Variants in PSD observed in about 807,000 individuals in gnomAD.
PSD encodes the protein PH and SEC7 domain-containing protein 1.
PSD carries 32 observed loss-of-function variants against 91.6 expected under a neutral mutation model. That is an observed-to-expected ratio of 0.35 (90% CI 0.26 to 0.47). PSD has a LOEUF of 0.47. PSD is among the 20% of genes least tolerant of loss of function. The pLI is 1.00. For synonymous variants in PSD, 532 were observed against 569.3 expected (o/e 0.93, Z 0.93); for missense variants, 1,099 against 1,373.9 (o/e 0.80, Z 3.16).
chr10:102,414,674 T>G lies in PSD; in HGVS notation c.1124+189A>C, dbSNP rs865798267. Among the ~76,000 whole-genome samples, 25 of 152,184 alleles carry G rather than the reference T, an allele frequency of 1.6e-4. No individual in the cohort carries two copies. Among genetic ancestry groups the G allele is most frequent in the Admixed American group, 2.6e-4 (4 of 15,284 alleles). ...GTTCTGCTAGAACCCCTGGCCTCTT[T>G]GCTCCCCACATCCCCAGTGTTCTGC... On this transcript the variant is annotated intron_variant, in intron 4 of 16. Coordinates refer to ENST00000020673, the MANE Select transcript of PSD (RefSeq NM_002779.5). The surrounding 1 kb of genome is among the most constrained non-coding windows in gnomAD (Gnocchi z 5.6).
At position 102,405,559 on chromosome 10, in the gene PSD, G is replaced by A. The variant is rs751720730; in HGVS notation, c.2136-23C>T. ...TCTCTGCAGGTGTGATCACCTCAGA[G>A]GGGGCTGGCCATGGAGCCGCGGCCC... On this transcript the variant is annotated intron_variant, in intron 11 of 16. Transcript: ENST00000020673. The surrounding 1 kb of genome is among the most constrained non-coding windows in gnomAD (Gnocchi z 5.4). 15 of 1,590,960 alleles carry A rather than the reference G, an allele frequency of 9.4e-6. No homozygotes were observed. In the Admixed American group the frequency reaches 2.2e-4, roughly 23 times the overall value.
Position 102,411,834 on chromosome 10 carries a change from A to G in PSD, c.1830-15T>C, listed in dbSNP as rs2135456722. 1 of 1,594,402 alleles carries G rather than the reference A, an allele frequency of 6.3e-7. No individual in the cohort carries two copies. The highest frequency in any genetic ancestry group is 1.7e-4 in the Middle Eastern group (1 of 6,032). On this transcript the variant is annotated splice_polypyrimidine_tract_variant and intron_variant, in intron 7 of 16. Transcript: ENST00000020673. ...TCAGAAACACCCTGGAGAAGGGGCA[A>G]GAGAGGGTTGCCTAGCAACCAGGAG...
At chr10:102,408,182 G>T (rs1426603409) in intron 10 of PSD, among the ~76,000 whole-genome samples, 2 of 152,224 alleles carry the variant, frequency 1.3e-5, no homozygotes, top group Non-Finnish European at 2.9e-5. Context: ...TGCATGTTGG[G>T]CTAAGTGTGT....
chr10:102,412,314 G>T, intron 6 of PSD, 67 bp downstream of exon 6: 1 of 1,610,912 alleles, frequency 6.2e-7, no homozygotes, highest in Non-Finnish European at 8.5e-7. Flanking sequence ...GGGGACATTA[G>T]ATGGAGAGCT....
intron 1 of PSD, among the ~76,000 whole-genome samples, chr10:102,417,385 C>T (rs1007028631): frequency 1.3e-5 from 2 of 152,114 alleles, no homozygotes; most frequent in Non-Finnish European, 2.9e-5. Context: ...GAGGAAGCAA[C>T]TTCAAAGTTG....
Position 102,405,605 on chromosome 10 carries a change from G to T in PSD, c.2136-69C>A. 6.9e-7 allele frequency: 1 copy of T among 1,452,630 alleles called. No homozygotes were observed. Among genetic ancestry groups the T allele is most frequent in the Non-Finnish European group, 9.3e-7 (1 of 1,079,086 alleles). 90.0% of individuals were successfully genotyped at this position (1,452,630 alleles called of 1,614,324 possible). A position where few individuals can be genotyped will look rare whatever the true frequency, so the allele number is the denominator to read the frequency against. ...GGCCCCCGCTTCAGTTCTGGCCTCT[G>T]CTCGCCCTGGAAAAGCTCCCCCAGT... On this transcript the variant is annotated intron_variant, in intron 11 of 16. Transcript: ENST00000020673. The surrounding 1 kb of genome is among the most constrained non-coding windows in gnomAD (Gnocchi z 5.4).
At position 102,415,115 on chromosome 10, in the gene PSD, A is replaced by G; in HGVS notation, c.872T>C (p.Val291Ala). ...AGTCTCGCGGTAGCACCTCAGGGGC[A>G]CCGTGTCCAGGTCTGTCTCGGAGTA... ...AKYSETDLDTVPLRCYRETDI... is the reference protein window; with the variant it reads ...AKYSETDLDTAPLRCYRETDI... The change falls in exon 4 of 17, where the codon GTG becomes GCG. Residue 291 changes from valine to alanine, a missense_variant. Physicochemically the swap from Val to Ala is moderately conservative, Grantham distance 64 (BLOSUM62 0). This residue lies in a region of PSD where 631 missense variants were observed against 728.8 expected (regional missense o/e 0.87). Transcript: ENST00000020673. 2 of 1,613,782 alleles carry G rather than the reference A, an allele frequency of 1.2e-6. No homozygotes were observed. The highest frequency in any genetic ancestry group is 3.3e-5 in the Admixed American group (2 of 60,012).
In PSD at chr10:102,403,230, T is replaced by C; in HGVS notation, c.3045A>G (p.Pro1015=). 1.3e-6 allele frequency: 2 copies of C among 1,587,714 alleles called. No homozygotes were observed. The highest frequency in any genetic ancestry group is 1.7e-6 in the Non-Finnish European group (2 of 1,163,466). Residue 1015 remains proline (P), a synonymous_variant, in exon 17 of 17, where the codon CCA becomes CCG. Coordinates refer to ENST00000020673, the MANE Select transcript of PSD (RefSeq NM_002779.5). The surrounding 1 kb of genome is among the most constrained non-coding windows in gnomAD (Gnocchi z 6.7). ...RAQRHSSEPR[P]GAGSGRRKP is the part of the protein sequence containing the mutation. ...GCTTCCGCCGCCCACTGCCTGCCCC[T>C]GGCCGAGGCTCTGAGCTGTGACGCT...
At chr10:102,407,199 C>T (rs769417995) in intron 11 of PSD, 24 bp downstream of exon 11, 46 of 1,598,728 alleles carry the variant, frequency 2.9e-5, no homozygotes, top group Non-Finnish European at 3.9e-5. Context: ...CATCCTAGCC[C>T]CACCACGCAG....
Position 102,415,137 on chromosome 10 carries a change from A to G in PSD, c.850T>C (p.Ser284Pro), listed in dbSNP as rs1264306947. ...GVAVGRAAKY[S>P]ETDLDTVPLR... The stretch of plus-strand genomic sequence containing the variant: ...GGCACCGTGTCCAGGTCTGTCTCGG[A>G]GTACTTGGCTGCTCGCCCCACAGCC... The change falls in exon 4 of 17, where the codon TCC (serine) becomes CCC (proline). Residue 284 changes from serine to proline, a missense_variant. Around this residue, in one of 3 missense-constraint regions of PSD, gnomAD observed 631 missense variants for 728.8 expected, o/e 0.87. Transcript: ENST00000020673. 9 of 1,613,528 alleles carry G rather than the reference A, an allele frequency of 5.6e-6. No homozygotes were observed. The highest frequency in any genetic ancestry group is 1.7e-5 in the Admixed American group (1 of 60,004).
rs1369337572 is a variant in PSD, at chr10:102,403,556, T to A, written c.2845-126A>T. 1 of 962,174 alleles carries A rather than the reference T, an allele frequency of 1.0e-6. No homozygotes were observed. The highest frequency in any genetic ancestry group is 2.7e-5 in the Admixed American group (1 of 37,666). 59.6% of individuals were successfully genotyped at this position (962,174 alleles called of 1,614,324 possible). Reference sequence around the variant, plus strand: ...GTGCCCACCCAGGACTGTGAGATGGTCCCATGCGGGCTGGTGCCCCCTCTG... The same window carrying A: ...GTGCCCACCCAGGACTGTGAGATGGACCCATGCGGGCTGGTGCCCCCTCTG... On this transcript the variant is annotated intron_variant, in intron 16 of 16. Transcript: ENST00000020673. The surrounding 1 kb of genome is among the most constrained non-coding windows in gnomAD (Gnocchi z 6.7).
chr10:102,418,114 TA>T, intron 1 of PSD, among the ~76,000 whole-genome samples: 1 of 149,950 alleles, frequency 6.7e-6, no homozygotes, highest in South Asian at 2.1e-4. Context: ...TAAGGACAAA[TA>T]TGTCAGTACA....
chr10:102,409,100 C>G lies in PSD; in HGVS notation c.2091+1758G>C. On this transcript the variant is annotated intron_variant, in intron 10 of 16. Coordinates refer to ENST00000020673, the MANE Select transcript of PSD (RefSeq NM_002779.5). This position sits in a 1 kb window ranked among gnomAD's most constrained non-coding sequence, Gnocchi z 5.7. Reference sequence around the variant, plus strand: ...GCTGTTGACGCCGATCATGCTGGCCCGGCCGGCGCGCCGCGGCCCCCGGCC... The same window carrying G: ...GCTGTTGACGCCGATCATGCTGGCCGGGCCGGCGCGCCGCGGCCCCCGGCC... 1 of 983,252 alleles carries G rather than the reference C, an allele frequency of 1.0e-6. No homozygotes were observed. The highest frequency in any genetic ancestry group is 1.2e-6 in the Non-Finnish European group (1 of 829,290). 60.9% of individuals were successfully genotyped at this position (983,252 alleles called of 1,614,324 possible).
intron 5 of PSD, 84 bp downstream of exon 5, chr10:102,413,685 C>G: frequency 2.2e-6 from 3 of 1,393,234 alleles, no homozygotes; most frequent in Non-Finnish European, 2.0e-6. Flanking sequence ...TAAACCAATC[C>G]TCACACTCAG....
chr10:102,410,220 T>C lies in PSD; in HGVS notation c.2091+638A>G, dbSNP rs1413368796. 1.3e-5 allele frequency among the ~76,000 whole-genome samples: 2 copies of C among 152,148 alleles called. No individual in the cohort carries two copies. Among genetic ancestry groups the C allele is most frequent in the South Asian group, 4.1e-4 (2 of 4,836 alleles). On this transcript the variant is annotated intron_variant, in intron 10 of 16. Transcript: ENST00000020673. This position sits in a 1 kb window ranked among gnomAD's most constrained non-coding sequence, Gnocchi z 6.0. ...AGATCAGGGAGAGGAGTGAACCCAC[T>C]GGATGAGCCACTCCCTTCTCCTACC...
Position 102,415,132 on chromosome 10 carries a change from C to T in PSD, c.855G>A (p.Glu285=), listed in dbSNP as rs564893826. The change falls in exon 4 of 17, where the codon GAG becomes GAA. Residue 285 remains glutamate, a synonymous_variant. Transcript: ENST00000020673. The part of the protein sequence containing the change: ...VAVGRAAKYS[E]TDLDTVPLRC... Reference sequence around the variant, plus strand: ...TCAGGGGCACCGTGTCCAGGTCTGTCTCGGAGTACTTGGCTGCTCGCCCCA... The same window carrying T: ...TCAGGGGCACCGTGTCCAGGTCTGTTTCGGAGTACTTGGCTGCTCGCCCCA... 26 of 1,613,776 alleles carry T rather than the reference C, an allele frequency of 1.6e-5. No individual in the cohort carries two copies. In the South Asian group the frequency reaches 2.6e-4, roughly 16 times the overall value.
Position 102,403,909 on chromosome 10 carries a change from A to T in PSD, c.2777T>A (p.Leu926Gln). Residue 926 changes from leucine (L) to glutamine (Q), a missense_variant, in exon 16 of 17, where the codon CTG becomes CAG. Coordinates refer to ENST00000020673, the MANE Select transcript of PSD (RefSeq NM_002779.5). This position sits in a 1 kb window ranked among gnomAD's most constrained non-coding sequence, Gnocchi z 6.7. ...CTCCTTGCCCCGGCCCTTCTTGCCC[A>T]GCTGGGCGGCCCGGTGCTCCCGCAG... ...SELREHRAAQ[L>Q]GKKGRGKEAE... 1 of 1,600,998 alleles carries T rather than the reference A, an allele frequency of 6.2e-7. No individual in the cohort carries two copies. Among genetic ancestry groups the T allele is most frequent in the Non-Finnish European group, 8.5e-7 (1 of 1,173,804 alleles).
Position 102,409,134 on chromosome 10 carries a change from G to C in PSD, c.2091+1724C>G. The stretch of plus-strand genomic sequence containing the variant: ...CGCCGCGGCCCCCGGCCATGCCCCC[G>C]TCCGCCCTCGGCCCCCGGGCCGCCC... On this transcript the variant is annotated intron_variant, in intron 10 of 16. Transcript: ENST00000020673. The surrounding 1 kb of genome is among the most constrained non-coding windows in gnomAD (Gnocchi z 5.7). 4 of 980,634 alleles carry C rather than the reference G, an allele frequency of 4.1e-6. No homozygotes were observed. The highest frequency in any genetic ancestry group is 4.8e-6 in the Non-Finnish European group (4 of 828,126). 60.7% of individuals were successfully genotyped at this position (980,634 alleles called of 1,614,324 possible).
chr10:102,404,707 G>A lies in PSD; in HGVS notation c.2576C>T (p.Ser859Phe). ...TACTACATTGATGCGAGTGATCCAG[G>A]ACTGCATCTGCTCCAGGCTCCTGGG... ...FQAPSLEQMQ[S>F]WITRINVVAA... The change falls in exon 15 of 17, where the codon TCC (serine) becomes TTC (phenylalanine). Residue 859 changes from serine to phenylalanine, a missense_variant. Physicochemically the swap from Ser to Phe is radical, Grantham distance 155. Transcript: ENST00000020673. This position sits in a 1 kb window ranked among gnomAD's most constrained non-coding sequence, Gnocchi z 5.7. 6.3e-7 allele frequency: 1 copy of A among 1,585,012 alleles called. No homozygotes were observed. Among genetic ancestry groups the A allele is most frequent in the Non-Finnish European group, 8.6e-7 (1 of 1,162,890 alleles).
Sources: gnomAD v4.1 joint callset for allele counts (sites outside exome capture counted in the v4.1 genomes callset) on GRCh38, gnomAD v4.1.1 for gene constraint, gnomAD v4.1.1 regional missense constraint, Gnocchi (gnomAD v3.1) non-coding constraint, MANE v1.5 for transcripts, NCBI Gene and HGNC (gene_info 2026-07-23, HGNC 2026-07-21) for gene names.